Variants in WDFY4 observed in about 807,000 individuals in gnomAD.
WDFY4 encodes the protein WDFY family member 4, also known as WD repeat- and FYVE domain-containing protein 4.
WDFY4 carries 169 observed loss-of-function variants against 351.9 expected under a neutral mutation model. That is an observed-to-expected ratio of 0.48 (90% CI 0.42 to 0.55). The LOEUF (loss-of-function observed/expected upper bound fraction) is 0.55, where lower values mean the gene tolerates loss of function less well. Among genes scored for constraint, WDFY4 ranks in the 20% least tolerant of loss-of-function variants. The probability of loss-of-function intolerance (pLI) is 0.00; values close to 1 mark genes in which losing one functional copy is unlikely to be tolerated. For synonymous variants in WDFY4, 1,622 were observed against 1,574.6 expected, an observed-to-expected ratio of 1.03 and a Z score of -0.71; for missense variants, 3,803 against 3,935.6, an observed-to-expected ratio of 0.97 and a Z score of 0.90.
chr10:48,843,429 T>C (rs907360081), intron 39 of WDFY4, among the ~76,000 whole-genome samples: 6 of 152,238 alleles, frequency 3.9e-5, no homozygotes, highest in Non-Finnish European at 1.5e-5. Context: ...TGAGTAGGCA[T>C]AGCACTCCTT....
At chr10:48,811,821 A>T in intron 30 of WDFY4, 113 bp downstream of exon 30, 1 of 1,154,078 alleles carries the variant, frequency 8.7e-7, no homozygotes, top group Non-Finnish European at 1.2e-6. Flanking sequence ...TCCAGCTCAG[A>T]TGGGGTGCTG....
Position 48,843,130 on chromosome 10 carries a change from A to C in WDFY4, c.6663+10421A>C, listed in dbSNP as rs182759958. 1.4e-4 allele frequency among the ~76,000 whole-genome samples: 21 copies of C among 152,384 alleles called. No individual in the cohort carries two copies. The East Asian group carries it at 2.1e-3, about 15-fold the overall frequency. Reference sequence around the variant, plus strand: ...ATGATACCGAAAAGTCCTTAGGGACAGATACTCAGTTCCTTCCCCAACAAC... The same window carrying C: ...ATGATACCGAAAAGTCCTTAGGGACCGATACTCAGTTCCTTCCCCAACAAC... On this transcript the variant is annotated intron_variant, in intron 39 of 61. Coordinates refer to ENST00000325239, the MANE Select transcript of WDFY4 (RefSeq NM_001394531.1).
At position 48,901,834 on chromosome 10, in the gene WDFY4, A is replaced by T; in HGVS notation, c.7557A>T (p.Lys2519Asn). ...FCSFQPSLKGKATSEDTLSLR... is the reference protein window; with the variant it reads ...FCSFQPSLKGNATSEDTLSLR... ...CTTTCCAACCCAGCCTGAAGGGGAA[A>T]GCCACCTCGGAGGACACCCTCAGTC... Residue 2519 changes from lysine (K) to asparagine (N), a missense_variant, in exon 47 of 62, where the codon AAA (lysine) becomes AAT (asparagine). By Grantham distance (94) the Lys-to-Asn change is moderately conservative. Coordinates refer to ENST00000325239, the MANE Select transcript of WDFY4 (RefSeq NM_001394531.1). The T allele has an allele frequency of 1.3e-6, 2 of 1,551,590 alleles. No individual in the cohort carries two copies. The highest frequency in any genetic ancestry group is 1.7e-6 in the Non-Finnish European group (2 of 1,146,880).
At chr10:48,818,542 C>A (rs1203181915) in intron 32 of WDFY4, among the ~76,000 whole-genome samples, 1 of 152,190 alleles carries the variant, frequency 6.6e-6, no homozygotes, top group East Asian at 1.9e-4. Context: ...GTCACAAAAC[C>A]CATCTCCCAG....
At chr10:48,977,089 C>T (rs1842601614) in intron 59 of WDFY4, 110 bp downstream of exon 59, 1 of 1,130,308 alleles carries the variant, frequency 8.8e-7, no homozygotes, top group Non-Finnish European at 1.2e-6. Flanking sequence ...GAGACCATTC[C>T]AGAACGGGTA....
intron 23 of WDFY4, 71 bp downstream of exon 23, chr10:48,790,988 G>T (rs150597403): frequency 3.0e-5 from 45 of 1,513,388 alleles, no homozygotes; most frequent in Non-Finnish European, 3.7e-5. Context: ...AGGGACAAGC[G>T]TTGCTTGCCT....
chr10:48,890,798 TC>T, intron 44 of WDFY4, 71 bp downstream of exon 44: 1 of 1,535,604 alleles, frequency 6.5e-7, no homozygotes, highest in East Asian at 2.5e-5. Flanking sequence ...CCCCCACTAT[TC>T]CCCTTCTCAC....
intron 44 of WDFY4, among the ~76,000 whole-genome samples, chr10:48,897,228 C>T (rs771432434): frequency 6.6e-6 from 1 of 152,200 alleles, no homozygotes; most frequent in Non-Finnish European, 1.5e-5. Flanking sequence ...GGCAGGGCAG[C>T]TTTCACGTGT....
chr10:48,721,189 AG>A, intron 3 of WDFY4, 71 bp from the exon 4 acceptor site: 1 of 1,416,694 alleles, frequency 7.1e-7, no homozygotes, highest in Non-Finnish European at 9.8e-7. Context: ...TCCTGGGAAG[AG>A]GGGGCCCTGG....
chr10:48,774,348 G>A, intron 13 of WDFY4, 110 bp from the exon 14 acceptor site: 1 of 1,115,194 alleles, frequency 9.0e-7, no homozygotes, highest in Non-Finnish European at 1.3e-6. Context: ...GGTATGGTGG[G>A]CGCAGTCTCC....
At chr10:48,774,725 C>T in intron 14 of WDFY4, 53 bp downstream of exon 14, 2 of 1,544,202 alleles carry the variant, frequency 1.3e-6, no homozygotes, top group Non-Finnish European at 1.8e-6. Context: ...ATGTCCTTTG[C>T]AGGGCAGGGG....
intron 37 of WDFY4, among the ~76,000 whole-genome samples, chr10:48,829,201 G>C (rs532867977): frequency 3.9e-5 from 6 of 152,248 alleles, no homozygotes; most frequent in African/African-American, 1.4e-4. Context: ...GACTTGGTTT[G>C]ACTAGAAGCT....
At chr10:48,961,318 A>G (rs1385722324) in intron 53 of WDFY4, among the ~76,000 whole-genome samples, 1 of 152,244 alleles carries the variant, frequency 6.6e-6, no homozygotes, top group Non-Finnish European at 1.5e-5. Flanking sequence ...CACATGATTC[A>G]ATTGACCAGA....
chr10:48,694,762 A>ACT (rs539714339), intron 1 of WDFY4, among the ~76,000 whole-genome samples: 295 of 151,960 alleles, frequency 1.9e-3, no homozygotes, highest in African/African-American at 6.9e-3. Context: ...CCAGACACTC[A>ACT]CTCACGCTGC....
At chr10:48,908,100 A>T (rs1837716587) in intron 47 of WDFY4, among the ~76,000 whole-genome samples, 2 of 152,328 alleles carry the variant, frequency 1.3e-5, no homozygotes, top group Admixed American at 1.3e-4. Flanking sequence ...TACTAGGTTC[A>T]TGCCTCATCT....
intron 47 of WDFY4, among the ~76,000 whole-genome samples, chr10:48,928,353 C>CGTGTGTGTGT (rs3081490): frequency 0.065 from 8,068 of 124,864 alleles, 400 homozygotes; most frequent in Admixed American, 0.13. Flanking sequence ...TTGGTTTTGA[C>CGTGTGTGTGT]GTGTGTGTGT....
At chr10:48,924,035 T>C (rs1043992860) in intron 47 of WDFY4, among the ~76,000 whole-genome samples, 17 of 152,160 alleles carry the variant, frequency 1.1e-4, no homozygotes, top group African/African-American at 3.6e-4. Flanking sequence ...AGAGAACTCC[T>C]CCGTTAAGGA....
chr10:48,918,567 T>C (rs1838762473), intron 47 of WDFY4, among the ~76,000 whole-genome samples: 1 of 152,186 alleles, frequency 6.6e-6, no homozygotes. Flanking sequence ...AGCTTCAATT[T>C]AAATGAAGCA....
Position 48,810,637 on chromosome 10 carries a change from A to G in WDFY4, c.4946A>G (p.Tyr1649Cys). 6.4e-7 allele frequency: 1 copy of G among 1,551,504 alleles called. No homozygotes were observed. Among genetic ancestry groups the G allele is most frequent in the South Asian group, 1.2e-5 (1 of 84,048 alleles). The change falls in exon 29 of 62, where the codon TAC becomes TGC. Residue 1649 changes from tyrosine to cysteine, a missense_variant. Tyr to Cys is a radical substitution (Grantham distance 194). This residue lies in a region of WDFY4 where 3,054 missense variants were observed against 3,148.6 expected (regional missense o/e 0.97). Coordinates refer to ENST00000325239, the MANE Select transcript of WDFY4 (RefSeq NM_001394531.1). ...TTVLALKLLL[Y>C]FLASPSLRTR... ...GTGCTGGCATTGAAGCTGCTGCTGT[A>G]CTTTCTGGCAAGCCCCTCCCTCCGC...
Sources: allele counts gnomAD v4.1 joint callset (sites outside exome capture counted in the v4.1 genomes callset), GRCh38; gene constraint gnomAD v4.1.1; regional missense constraint gnomAD v4.1.1; transcripts MANE v1.5; gene names NCBI Gene and HGNC (gene_info 2026-07-23, HGNC 2026-07-21).